PDE11A: variants seen among roughly 807,000 people sequenced by gnomAD.
The protein encoded by PDE11A is dual 3',5'-cyclic-AMP and -GMP phosphodiesterase 11A.
A neutral mutation model predicts 100.5 loss-of-function variants in PDE11A; 100 were observed. The observed-to-expected ratio is 1.00, with a 90% CI of 0.85 to 1.18. The LOEUF is 1.18. PDE11A is among the 50% of genes most tolerant of loss of function. The pLI, the probability that PDE11A is intolerant of heterozygous loss-of-function variation, is 0.00. For synonymous variants in PDE11A, 381 were observed against 420.8 expected (o/e 0.91, Z 1.16); for missense variants, 1,141 against 1,152.6 (o/e 0.99, Z 0.15).
At chr2:177,720,345 A>G (rs1228115428) in intron 12 of PDE11A, among the ~76,000 whole-genome samples, 1 of 152,110 alleles carries the variant, frequency 6.6e-6, no homozygotes, top group Non-Finnish European at 1.5e-5. Context: ...CCTTCTTTTT[A>G]AAAAAGGATC....
Position 177,719,230 on chromosome 2 carries a change from G to A in PDE11A, c.2044-7352C>T, listed in dbSNP as rs1022947215. Among the ~76,000 whole-genome samples the A allele has an allele frequency of 5.9e-5, 9 of 152,222 alleles. No individual in the cohort carries two copies. In the East Asian group the frequency reaches 1.4e-3, roughly 23 times the overall value. Reference sequence around the variant, plus strand: ...ACCTTTCTTTTTGAACCCAACTATCGGAAGTATTGAATGATAAGGGATTTC... The same window carrying A: ...ACCTTTCTTTTTGAACCCAACTATCAGAAGTATTGAATGATAAGGGATTTC... On this transcript the variant is annotated intron_variant, in intron 12 of 19. Coordinates refer to ENST00000286063, the MANE Select transcript of PDE11A (RefSeq NM_016953.4).
intron 19 of PDE11A, among the ~76,000 whole-genome samples, chr2:177,635,563 T>C (rs1273529247): frequency 6.6e-6 from 1 of 152,206 alleles, no homozygotes; most frequent in Non-Finnish European, 1.5e-5. Flanking sequence ...CCGTATTTTA[T>C]TTATGTTTTG....
intron 1 of PDE11A, among the ~76,000 whole-genome samples, chr2:178,038,598 A>C (rs1454854505): frequency 3.3e-5 from 5 of 152,178 alleles, no homozygotes; most frequent in Non-Finnish European, 7.3e-5. Context: ...AGTACTCCAC[A>C]ATAAGAGAAA....
At chr2:177,865,996 T>G (rs2084021502) in intron 5 of PDE11A, among the ~76,000 whole-genome samples, 1 of 152,130 alleles carries the variant, frequency 6.6e-6, no homozygotes, top group African/African-American at 2.4e-5. Context: ...AATGTTGATT[T>G]TGTGGTATAT....
intron 3 of PDE11A, among the ~76,000 whole-genome samples, chr2:177,901,569 A>G (rs1409587977): frequency 6.6e-6 from 1 of 152,214 alleles, no homozygotes; most frequent in African/African-American, 2.4e-5. Context: ...GCTAAGGACC[A>G]TATTGCTCCA....
At chr2:177,906,247 G>C (rs2084786659) in intron 2 of PDE11A, among the ~76,000 whole-genome samples, 1 of 152,076 alleles carries the variant, frequency 6.6e-6, no homozygotes, top group South Asian at 2.1e-4. Flanking sequence ...TGGCAAAATA[G>C]AGCAATTCCT....
intron 2 of PDE11A, among the ~76,000 whole-genome samples, chr2:177,969,282 G>T (rs892926925): frequency 1.3e-5 from 2 of 152,126 alleles, no homozygotes; most frequent in Non-Finnish European, 1.5e-5. Flanking sequence ...GGGAGGCAAG[G>T]GGAGGGATAG....
chr2:177,890,464 C>T (rs1194754630), intron 4 of PDE11A, among the ~76,000 whole-genome samples: 1 of 152,172 alleles, frequency 6.6e-6, no homozygotes, highest in Non-Finnish European at 1.5e-5. Context: ...AGGGAAGTAA[C>T]CTCACTCAGC....
intron 2 of PDE11A, among the ~76,000 whole-genome samples, chr2:177,933,898 T>C (rs1010403803): frequency 6.6e-6 from 1 of 152,174 alleles, no homozygotes; most frequent in Admixed American, 6.5e-5. Flanking sequence ...CGTTGTTCAA[T>C]GAATGGTGTT....
chr2:178,102,439 T>G (rs1168943458), intron 2 of PDE11A, among the ~76,000 whole-genome samples: 2 of 146,234 alleles, frequency 1.4e-5, no homozygotes, highest in Admixed American at 6.8e-5. Flanking sequence ...TTTTTTTTTT[T>G]TTTTTTTTTT....
intron 2 of PDE11A, among the ~76,000 whole-genome samples, chr2:178,085,736 C>T (rs2087343236): frequency 1.3e-5 from 2 of 152,160 alleles, no homozygotes; most frequent in South Asian, 4.2e-4. Flanking sequence ...AAGTTGCCCA[C>T]CTGAAATCTG....
chr2:178,032,862 G>T (rs2086566480), intron 1 of PDE11A, among the ~76,000 whole-genome samples: 1 of 151,992 alleles, frequency 6.6e-6, no homozygotes, highest in South Asian at 2.1e-4. Flanking sequence ...CAACATAAAG[G>T]ACCCCCACAC....
intron 1 of PDE11A, among the ~76,000 whole-genome samples, chr2:178,024,679 T>C (rs2086457309): frequency 6.6e-6 from 1 of 152,136 alleles, no homozygotes; most frequent in South Asian, 2.1e-4. Context: ...GAGAAGTTAA[T>C]GGAAATAAAA....
intron 5 of PDE11A, among the ~76,000 whole-genome samples, chr2:177,853,634 GCATA>G (rs1558973678): frequency 4.4e-5 from 2 of 45,362 alleles, no homozygotes; most frequent in Admixed American, 3.7e-4. Flanking sequence ...AACAAGTCCT[GCATA>G]TATATATATA....
upstream of PDE11A, chr2:178,072,814 G>A (rs2087156272): frequency 8.3e-7 from 1 of 1,209,016 alleles, no homozygotes; most frequent in Non-Finnish European, 1.0e-6. Flanking sequence ...GGTAGGGCAG[G>A]ACACGCCCCT....
At chr2:178,051,780 T>C (rs1207154352) in intron 1 of PDE11A, among the ~76,000 whole-genome samples, 2 of 152,068 alleles carry the variant, frequency 1.3e-5, no homozygotes, top group African/African-American at 4.8e-5. Context: ...CATTACATAA[T>C]GGTAAAGGGA....
At chr2:177,881,307 A>G (rs1365603153) in intron 4 of PDE11A, among the ~76,000 whole-genome samples, 1 of 150,366 alleles carries the variant, frequency 6.7e-6, no homozygotes. Context: ...TCCTAGAATA[A>G]ATATCTTTAT....
At chr2:177,989,601 C>T (rs2085979218) in intron 2 of PDE11A, among the ~76,000 whole-genome samples, 1 of 152,042 alleles carries the variant, frequency 6.6e-6, no homozygotes, top group Non-Finnish European at 1.5e-5. Flanking sequence ...AATGAATGTC[C>T]CAATTTTGAG....
intron 19 of PDE11A, among the ~76,000 whole-genome samples, chr2:177,631,300 A>C (rs556083561): frequency 0.012 from 522 of 44,374 alleles, 22 homozygotes; most frequent in Middle Eastern, 0.047. Flanking sequence ...GCAAAAAAAA[A>C]AAAAAAAAAA....
Sources: allele counts gnomAD v4.1 joint callset (sites outside exome capture counted in the v4.1 genomes callset), GRCh38; gene constraint gnomAD v4.1.1; transcripts MANE v1.5; gene names NCBI Gene and HGNC (gene_info 2026-07-23, HGNC 2026-07-21).